Variants in IGSF9B observed in about 807,000 individuals in gnomAD.
IGSF9B encodes the protein protein turtle homolog B.
In IGSF9B, 48 loss-of-function variants were observed where a neutral mutation model predicts 143.7. That is an observed-to-expected ratio of 0.33 (90% CI 0.26 to 0.42). The LOEUF (loss-of-function observed/expected upper bound fraction) is 0.42, where lower values mean the gene tolerates loss of function less well. Ranked by LOEUF, IGSF9B falls within the 20% of genes least tolerant of loss-of-function variation. The pLI, the probability that IGSF9B is intolerant of heterozygous loss-of-function variation, is 1.00. For synonymous variants in IGSF9B, 903 were observed against 833.1 expected, an observed-to-expected ratio of 1.08 and a Z score of -1.44; for missense variants, 1,706 against 1,980.0, an observed-to-expected ratio of 0.86 and a Z score of 2.63.
At position 133,906,197 on chromosome 11, in the gene IGSF9B, C is replaced by T. The variant is rs1939208431; in HGVS notation, c.*2872G>A. ...AGGCAGACTATGAAGGACACTGGTC[C>T]CTAGAGGTGGTTACACCCCCATCAC... On this transcript the variant is annotated 3_prime_UTR_variant, in exon 20 of 20. Coordinates refer to ENST00000533871, the MANE Select transcript of IGSF9B (RefSeq NM_001277285.4). Among the ~76,000 whole-genome samples, 1 of 152,206 alleles carries T rather than the reference C, an allele frequency of 6.6e-6. No individual in the cohort carries two copies. The highest frequency in any genetic ancestry group is 2.1e-4 in the South Asian group (1 of 4,838).
At position 133,914,482 on chromosome 11, in the gene IGSF9B, C is replaced by T. The variant is rs117185333; in HGVS notation, c.3984-2475G>A. ...GGTGGAACAGCCCCGGTGAGACAGA[C>T]CAGGGCTGGAGAGGAGCCTGCTTAA... On this transcript the variant is annotated intron_variant, in intron 18 of 19. Transcript: ENST00000533871. Among the ~76,000 whole-genome samples the T allele has an allele frequency of 4.2e-3, 633 of 152,304 alleles. 19 individuals carry two copies. Among genetic ancestry groups the T allele is most frequent in the Non-Finnish European group, 8.4e-4 (57 of 68,038 alleles).
chr11:133,946,634 G>A lies in IGSF9B; in HGVS notation c.65-376C>T, dbSNP rs1400521164. Among the ~76,000 whole-genome samples the A allele has an allele frequency of 2.0e-5, 3 of 152,360 alleles. No homozygotes were observed. In the East Asian group the frequency reaches 5.8e-4, roughly 29 times the overall value. On this transcript the variant is annotated intron_variant, in intron 1 of 19. Coordinates refer to ENST00000533871, the MANE Select transcript of IGSF9B (RefSeq NM_001277285.4). Reference sequence around the variant, plus strand: ...ATTACAAGGAGTCCAGGACATGGAGGTGAGGGGCCCGGCCCCCTCTGGAGG... The same window carrying A: ...ATTACAAGGAGTCCAGGACATGGAGATGAGGGGCCCGGCCCCCTCTGGAGG...
intron 1 of IGSF9B, among the ~76,000 whole-genome samples, chr11:133,950,640 C>T (rs559391386): frequency 6.6e-6 from 1 of 152,360 alleles, no homozygotes; most frequent in South Asian, 2.1e-4. Context: ...GTCGGCAACT[C>T]CAACCCCACA....
At chr11:133,919,118 C>CGGGGGGGGGTGGGG in intron 18 of IGSF9B, 1 of 66,602 alleles carries the variant, frequency 1.5e-5, no homozygotes. Flanking sequence ...GCGAGGTATA[C>CGGGGGGGGGTGGGG]GGGGGGGGGG....
chr11:133,946,293 G>C, intron 1 of IGSF9B, 35 bp from the exon 2 acceptor site: 1 of 1,585,538 alleles, frequency 6.3e-7, no homozygotes, highest in Non-Finnish European at 8.6e-7. Context: ...ACAGAAAGGA[G>C]GTGACAAAGA....
chr11:133,914,555 C>G (rs1270994593), intron 18 of IGSF9B, among the ~76,000 whole-genome samples: 2 of 152,076 alleles, frequency 1.3e-5, no homozygotes, highest in South Asian at 2.1e-4. Context: ...ATCCAGTGAC[C>G]AGAAGCAGCC....
chr11:133,910,025 C>A (rs1223296942), intron 19 of IGSF9B, among the ~76,000 whole-genome samples: 1 of 152,186 alleles, frequency 6.6e-6, no homozygotes, highest in Non-Finnish European at 1.5e-5. Context: ...TGTGTGCAAG[C>A]CCCAAGTTAA....
rs1484710921 is a variant in IGSF9B at position 133,937,807 on chromosome 11, C to T, written c.561+3G>A. On this transcript the variant is annotated splice_donor_region_variant and intron_variant, in intron 4 of 19. Transcript: ENST00000533871. The stretch of plus-strand genomic sequence containing the variant: ...AGCGGCCCCAACCTAGAACCACACT[C>T]ACCTGGTATTTCCCACTAGCACCGA... The T allele has an allele frequency of 1.2e-6, 2 of 1,609,226 alleles. No individual in the cohort carries two copies. The highest frequency in any genetic ancestry group is 4.5e-5 in the East Asian group (2 of 44,690).
rs760919349 is a variant in IGSF9B, at chr11:133,908,596, T to C, written c.*473A>G. The C allele has an allele frequency of 2.2e-4, 34 of 152,634 alleles. No individual in the cohort carries two copies. Among genetic ancestry groups the C allele is most frequent in the African/African-American group, 5.8e-4 (24 of 41,254 alleles). The allele number at this position is 152,634 out of a possible 1,614,324, so 9.5% of individuals were successfully genotyped here. A position where few individuals can be genotyped will look rare whatever the true frequency, so the allele number is the denominator to read the frequency against. On this transcript the variant is annotated 3_prime_UTR_variant, in exon 20 of 20. Transcript: ENST00000533871. ...CAATGTACATATATATATATATATA[T>C]ACACACATAGAGAAACCCACACACT...
At chr11:133,914,864 C>T (rs534562361) in intron 18 of IGSF9B, among the ~76,000 whole-genome samples, 2 of 152,294 alleles carry the variant, frequency 1.3e-5, no homozygotes, top group East Asian at 3.9e-4. Context: ...CGAATTGCCT[C>T]CCTGTTTTAG....
intron 5 of IGSF9B, among the ~76,000 whole-genome samples, chr11:133,936,622 T>G (rs1033248611): frequency 1.3e-5 from 2 of 152,170 alleles, no homozygotes; most frequent in Non-Finnish European, 2.9e-5. Context: ...TGGTGCTGGC[T>G]GCACAGACAA....
In IGSF9B at chr11:133,926,948, G is replaced by A. The variant is rs892029496; in HGVS notation, c.1775C>T (p.Ala592Val). 16 of 1,598,954 alleles carry A rather than the reference G, an allele frequency of 1.0e-5. No homozygotes were observed. Among genetic ancestry groups the A allele is most frequent in the Non-Finnish European group, 1.4e-5 (16 of 1,172,932 alleles). The part of the protein sequence containing the change: ...VLAQNKLGTS[A>V]FSEVVTVNTL... ...GTTCACAGTGACCACCTCACTGAAG[G>A]CGCTGGTTCCCAGCTTGTTCTGGGC... The change falls in exon 13 of 20, where the codon GCC (alanine) becomes GTC (valine). Residue 592 changes from alanine to valine, a missense_variant. By Grantham distance (64) the Ala-to-Val change is moderately conservative (BLOSUM62 0). Transcript: ENST00000533871.
rs1326403702 is a variant in IGSF9B, at chr11:133,948,993, C to A, written c.65-2735G>T. 6.6e-6 allele frequency among the ~76,000 whole-genome samples: 1 copy of A among 152,142 alleles called. No homozygotes were observed. The highest frequency in any genetic ancestry group is 2.1e-4 in the South Asian group (1 of 4,832). On this transcript the variant is annotated intron_variant, in intron 1 of 19. Transcript: ENST00000533871. This position sits in a 1 kb window ranked among gnomAD's most constrained non-coding sequence, Gnocchi z 4.7. ...TCATTTTCACTGCACAGCAACGAGG[C>A]AGGCTCTTCAAATCTTCCCCAGCGC...
At chr11:133,922,942 G>A (rs1225874076) in intron 15 of IGSF9B, among the ~76,000 whole-genome samples, 1 of 152,154 alleles carries the variant, frequency 6.6e-6, no homozygotes, top group Non-Finnish European at 1.5e-5. Context: ...CTCTCCAAAG[G>A]GTGTAAAGAA....
In IGSF9B at chr11:133,948,095, G is replaced by A. The variant is rs1013439217; in HGVS notation, c.65-1837C>T. ...TGTGTGTGTGTGTGTGTGTGTCTGT[G>A]TGTGTTTCGGTTGGCTCATGCAAGG... is the stretch of plus-strand genomic sequence containing the variant. On this transcript the variant is annotated intron_variant, in intron 1 of 19. Coordinates refer to ENST00000533871, the MANE Select transcript of IGSF9B (RefSeq NM_001277285.4). This position sits in a 1 kb window ranked among gnomAD's most constrained non-coding sequence, Gnocchi z 4.7. Among the ~76,000 whole-genome samples the A allele has an allele frequency of 6.7e-6, 1 of 150,346 alleles. No homozygotes were observed. The highest frequency in any genetic ancestry group is 6.6e-5 in the Admixed American group (1 of 15,104).
chr11:133,929,281 A>G (rs1939681267), intron 12 of IGSF9B, among the ~76,000 whole-genome samples: 1 of 152,192 alleles, frequency 6.6e-6, no homozygotes, highest in African/African-American at 2.4e-5. Context: ...CAAAAATACA[A>G]AAAAAATTAG....
Position 133,931,623 on chromosome 11 carries a change from T to G in IGSF9B, c.1251+32A>C. ...GAGGCCGGGGATCCAGGTGCCCAGC[T>G]CATGGAGGCCGTCACAGCCCTGGGA... On this transcript the variant is annotated intron_variant, in intron 9 of 19. Coordinates refer to ENST00000533871, the MANE Select transcript of IGSF9B (RefSeq NM_001277285.4). This position sits in a 1 kb window ranked among gnomAD's most constrained non-coding sequence, Gnocchi z 7.7. 1 of 1,607,956 alleles carries G rather than the reference T, an allele frequency of 6.2e-7. No individual in the cohort carries two copies. Among genetic ancestry groups the G allele is most frequent in the African/African-American group, 1.3e-5 (1 of 74,866 alleles).
rs770569301 is a variant in IGSF9B at position 133,920,755 on chromosome 11, G to T, written c.2970C>A (p.Ser990Arg). 6.2e-7 allele frequency: 1 copy of T among 1,612,674 alleles called. No individual in the cohort carries two copies. Among genetic ancestry groups the T allele is most frequent in the Non-Finnish European group, 8.5e-7 (1 of 1,179,472 alleles). ...GGGACGACATGACGGAGCTCAGGGG[G>T]CTGCCCACTTCTGGCACGTAGAACG... Reference protein sequence around the residue: ...PPPFYVPEVGSPLSSVMSSPP... With the variant: ...PPPFYVPEVGRPLSSVMSSPP... Residue 990 changes from serine (S) to arginine (R), a missense_variant, in exon 18 of 20, where the codon AGC becomes AGA. By Grantham distance (110) the Ser-to-Arg change is moderately radical. Coordinates refer to ENST00000533871, the MANE Select transcript of IGSF9B (RefSeq NM_001277285.4).
At chr11:133,956,035 G>T (rs1366478970) in intron 1 of IGSF9B, among the ~76,000 whole-genome samples, 1 of 151,852 alleles carries the variant, frequency 6.6e-6, no homozygotes, top group South Asian at 2.1e-4. Flanking sequence ...AGGCGCGGGG[G>T]CCGGCGGGGT....
Sources: allele counts gnomAD v4.1 joint callset (sites outside exome capture counted in the v4.1 genomes callset), GRCh38; gene constraint gnomAD v4.1.1; non-coding constraint Gnocchi (gnomAD v3.1); transcripts MANE v1.5; gene names NCBI Gene and HGNC (gene_info 2026-07-23, HGNC 2026-07-21).